The following HCFC2 variants were observed in gnomAD, a reference collection of about 807,000 sequenced individuals.
HCFC2 encodes the protein host cell factor C2, also known as host cell factor 2.
Under a neutral mutation model 89.2 loss-of-function variants are expected in HCFC2, and 18 were observed. That is an observed-to-expected ratio of 0.20 (90% CI 0.14 to 0.30). HCFC2 has a LOEUF of 0.30. Ranked by LOEUF, HCFC2 falls within the 10% of genes least tolerant of loss-of-function variation. The probability of loss-of-function intolerance (pLI) is 1.00; values close to 1 mark genes in which losing one functional copy is unlikely to be tolerated. For missense variants in HCFC2, 578 were observed against 956.1 expected (o/e 0.60, Z 5.21); for synonymous variants, 308 against 335.7 (o/e 0.92, Z 0.90).
chr12:104,097,243 A>G (rs1884203593), intron 12 of HCFC2, among the ~76,000 whole-genome samples: 1 of 152,150 alleles, frequency 6.6e-6, no homozygotes, highest in Non-Finnish European at 1.5e-5. Context: ...ATTTTCTTTC[A>G]ATCATGACTT....
At chr12:104,101,278 G>C (rs1437320709) in intron 13 of HCFC2, among the ~76,000 whole-genome samples, 2 of 152,300 alleles carry the variant, frequency 1.3e-5, no homozygotes, top group East Asian at 3.9e-4. Flanking sequence ...TTGGTCAGGA[G>C]TTCGAGACCA....
intron 5 of HCFC2, 91 bp from the exon 6 acceptor site, chr12:104,082,409 A>G: frequency 7.8e-6 from 6 of 772,518 alleles, no homozygotes; most frequent in Non-Finnish European, 1.3e-5. Flanking sequence ...CTCTGAGTCA[A>G]CTGATAGGAA....
chr12:104,066,730 T>G (rs1050026236), intron 2 of HCFC2, among the ~76,000 whole-genome samples: 2 of 152,252 alleles, frequency 1.3e-5, no homozygotes, highest in African/African-American at 4.8e-5. Context: ...AGAGAGTTTC[T>G]GAGTCAGAGG....
chr12:104,088,092 T>C, intron 9 of HCFC2, 54 bp downstream of exon 9: 4 of 1,293,376 alleles, frequency 3.1e-6, no homozygotes, highest in Non-Finnish European at 4.4e-6. Context: ...TAGTCTCAAT[T>C]TTTATTCAGA....
At chr12:104,092,681 G>A (rs778924633) in intron 9 of HCFC2, among the ~76,000 whole-genome samples, 4 of 152,088 alleles carry the variant, frequency 2.6e-5, no homozygotes, top group Non-Finnish European at 4.4e-5. Flanking sequence ...GACTGAGGCA[G>A]CAGAATTGCT....
Position 104,102,943 on chromosome 12 carries a change from T to C in HCFC2, c.2065-16T>C, listed in dbSNP as rs181218758. The C allele has an allele frequency of 0.03, 46,258 of 1,538,586 alleles. 464 individuals are homozygous for C. The highest frequency in any genetic ancestry group is 0.036 in the Middle Eastern group (208 of 5,770). ...ACTTAAGAACCTTTAACCTGTTTTT[T>C]CCCCCCCCCTTCAAGAATGTTGAAG... On this transcript the variant is annotated splice_polypyrimidine_tract_variant and intron_variant, in intron 14 of 14. Coordinates refer to ENST00000229330, the MANE Select transcript of HCFC2 (RefSeq NM_013320.3).
At chr12:104,072,700 T>G (rs2264841) in intron 3 of HCFC2, among the ~76,000 whole-genome samples, 62,620 of 151,396 alleles carry the variant, frequency 0.41, 13,582 homozygotes, top group Non-Finnish European at 0.49. Flanking sequence ...TGGAGTGCAG[T>G]GGCGCAATCT....
Position 104,086,732 on chromosome 12 carries a change from A to G in HCFC2, c.1064-115A>G, listed in dbSNP as rs959762548. 5.2e-6 allele frequency: 4 copies of G among 769,430 alleles called. No homozygotes were observed. The African/African-American group carries it at 7.1e-5, about 14-fold the overall frequency. 47.7% of individuals were successfully genotyped at this position (769,430 alleles called of 1,614,324 possible). Reference sequence around the variant, plus strand: ...CTGAGTAAACTTTCCCTGTCTTGGTAAGCAGATGAAATGTTCATTGCTGAT... The same window carrying G: ...CTGAGTAAACTTTCCCTGTCTTGGTGAGCAGATGAAATGTTCATTGCTGAT... On this transcript the variant is annotated intron_variant, in intron 7 of 14. Transcript: ENST00000229330.
Position 104,070,706 on chromosome 12 carries a change from T to A in HCFC2, c.473+2599T>A, listed in dbSNP as rs546627907. Among the ~76,000 whole-genome samples the A allele has an allele frequency of 5.3e-5, 8 of 152,286 alleles. No individual in the cohort carries two copies. In the East Asian group the frequency reaches 1.5e-3, roughly 29 times the overall value. On this transcript the variant is annotated intron_variant, in intron 3 of 14. Transcript: ENST00000229330. ...GATCTTAACTTTTTTTCCAAACTTT[T>A]TTAAAATATAGAAATACTAAAATAT...
chr12:104,087,484 T>G (rs899389840), intron 8 of HCFC2, among the ~76,000 whole-genome samples: 4 of 140,938 alleles, frequency 2.8e-5, no homozygotes, highest in African/African-American at 1.1e-4. Flanking sequence ...TATATATATA[T>G]GTATATATAT....
In HCFC2 at chr12:104,096,379, G is replaced by A; in HGVS notation, c.1686G>A (p.Leu562=). ...TKSEVDETYA[L]PATKISRVET... ...TTTTAGTTGATGAAACATATGCACTGCCTGCAACGAAGATCAGCCGTGTAG... is the reference window on the plus strand; with the variant it reads ...TTTTAGTTGATGAAACATATGCACTACCTGCAACGAAGATCAGCCGTGTAG... Residue 562 remains leucine, a synonymous_variant, in exon 12 of 15, where the codon CTG becomes CTA. Coordinates refer to ENST00000229330, the MANE Select transcript of HCFC2 (RefSeq NM_013320.3). 1 of 1,604,986 alleles carries A rather than the reference G, an allele frequency of 6.2e-7. No homozygotes were observed. The highest frequency in any genetic ancestry group is 1.1e-5 in the South Asian group (1 of 89,496).
intron 9 of HCFC2, among the ~76,000 whole-genome samples, chr12:104,089,372 C>T (rs534187896): frequency 4.6e-5 from 7 of 152,092 alleles, no homozygotes; most frequent in Non-Finnish European, 8.8e-5. Flanking sequence ...AAAAATTAGC[C>T]GGGCATGGTG....
Position 104,064,531 on chromosome 12 carries a change from A to G in HCFC2, c.-30A>G. ...CAGCCGGTTGAGGCGGGAGCGGTGC[A>G]TTGTGGGCAGAGGGGCGGGGGTTGG... On this transcript the variant is annotated 5_prime_UTR_variant, in exon 1 of 15. Transcript: ENST00000229330. The surrounding 1 kb of genome is among the most constrained non-coding windows in gnomAD (Gnocchi z 7.3). 6.9e-7 allele frequency: 1 copy of G among 1,456,004 alleles called. No individual in the cohort carries two copies. Among genetic ancestry groups the G allele is most frequent in the Non-Finnish European group, 9.1e-7 (1 of 1,100,364 alleles). 90.2% of individuals were successfully genotyped at this position (1,456,004 alleles called of 1,614,324 possible).
In HCFC2 at chr12:104,066,084, T is replaced by G. The variant is rs554076829; in HGVS notation, c.164-83T>G. ...AGAATCATCCCCAGTTGAGACCCAC[T>G]GATATTGATGATATATATTTGCTGA... On this transcript the variant is annotated intron_variant, in intron 1 of 14. Coordinates refer to ENST00000229330, the MANE Select transcript of HCFC2 (RefSeq NM_013320.3). 5 of 1,329,870 alleles carry G rather than the reference T, an allele frequency of 3.8e-6. No homozygotes were observed. In the African/African-American group the frequency reaches 7.4e-5, roughly 20 times the overall value. 82.4% of individuals were successfully genotyped at this position (1,329,870 alleles called of 1,614,324 possible).
chr12:104,073,124 A>G (rs994629429), intron 3 of HCFC2, among the ~76,000 whole-genome samples: 1 of 147,490 alleles, frequency 6.8e-6, no homozygotes. Context: ...ACATATATAT[A>G]TTTTTATATG....
chr12:104,065,045 T>G, intron 1 of HCFC2: 2 of 250,234 alleles, frequency 8.0e-6, no homozygotes, highest in African/African-American at 2.2e-5. Context: ...CCTGGGCCAC[T>G]CCCCGAAATC....
chr12:104,091,180 C>T (rs1884012646), intron 9 of HCFC2, among the ~76,000 whole-genome samples: 1 of 152,192 alleles, frequency 6.6e-6, no homozygotes, highest in South Asian at 2.1e-4. Context: ...GATACCGTAG[C>T]GTAGTCTAGA....
In HCFC2 at chr12:104,068,654, TTTTG is replaced by T. The variant is rs1426905855; in HGVS notation, c.473+561_473+564del. 5.3e-5 allele frequency among the ~76,000 whole-genome samples: 8 copies of T among 152,122 alleles called. No homozygotes were observed. The East Asian group carries it at 9.6e-4, about 18-fold the overall frequency. On this transcript the variant is annotated intron_variant, in intron 3 of 14. Coordinates refer to ENST00000229330, the MANE Select transcript of HCFC2 (RefSeq NM_013320.3). This position sits in a 1 kb window ranked among gnomAD's most constrained non-coding sequence, Gnocchi z 4.1. ...CTACCTCTTTTCTTTTCACATCATG[TTTTG>T]TTTGTTTGTTTGTATGTTGAGTTCC...
At position 104,068,415 on chromosome 12, in the gene HCFC2, A is replaced by G. The variant is rs1883218642; in HGVS notation, c.473+308A>G. On this transcript the variant is annotated intron_variant, in intron 3 of 14. Transcript: ENST00000229330. The surrounding 1 kb of genome is among the most constrained non-coding windows in gnomAD (Gnocchi z 4.1). ...TCAATATATTTGTATATATTGAGCC[A>G]TAATGCATTTTAGCTGCCTCATAAA... Among the ~76,000 whole-genome samples, 1 of 152,232 alleles carries G rather than the reference A, an allele frequency of 6.6e-6. No homozygotes were observed.
Sources: allele counts gnomAD v4.1 joint callset (sites outside exome capture counted in the v4.1 genomes callset), GRCh38; gene constraint gnomAD v4.1.1; non-coding constraint Gnocchi (gnomAD v3.1); transcripts MANE v1.5; gene names NCBI Gene and HGNC (gene_info 2026-07-23, HGNC 2026-07-21).